The following TSEN2 variants were observed in gnomAD, a reference collection of about 807,000 sequenced individuals.
TSEN2 encodes tRNA-splicing endonuclease subunit Sen2.
In TSEN2, 54 loss-of-function variants were observed where a neutral mutation model predicts 59.2. That is an observed-to-expected ratio of 0.91 (90% confidence interval 0.73 to 1.14). The LOEUF is 1.14. TSEN2 is among the 50% of genes most tolerant of loss of function. The pLI is 0.00. For missense variants in TSEN2, 636 were observed against 576.2 expected, an observed-to-expected ratio of 1.10 and a Z score of -1.06; for synonymous variants, 195 against 198.2, an observed-to-expected ratio of 0.98 and a Z score of 0.14.
Position 12,503,461 on chromosome 3 carries a change from C to T in TSEN2, c.508C>T (p.Pro170Ser). Residue 170 changes from proline (P) to serine (S), a missense_variant, in exon 5 of 12, where the codon CCT (proline) becomes TCT (serine). By Grantham distance (74) the Pro-to-Ser change is moderately conservative (BLOSUM62 -1). Coordinates refer to ENST00000284995, the MANE Select transcript of TSEN2 (RefSeq NM_025265.4). ...NMEGTAGGER[P>S]SVVNGDSGKS... ...GGAAGGCACAGCAGGGGGAGAGAGA[C>T]CTTCTGTGGTAAACGGGGACTCTGG... 1 of 1,614,190 alleles carries T rather than the reference C, an allele frequency of 6.2e-7. No individual in the cohort carries two copies. Among genetic ancestry groups the T allele is most frequent in the Non-Finnish European group, 8.5e-7 (1 of 1,180,036 alleles).
chr3:12,508,866 C>G (rs2055117609), intron 6 of TSEN2, among the ~76,000 whole-genome samples: 1 of 152,086 alleles, frequency 6.6e-6, no homozygotes, highest in African/African-American at 2.4e-5. Context: ...ATTTTTTATT[C>G]TTATATTTTT....
chr3:12,509,015 A>C (rs1052759373), intron 6 of TSEN2, among the ~76,000 whole-genome samples: 7 of 152,178 alleles, frequency 4.6e-5, no homozygotes, highest in Admixed American at 4.6e-4. Context: ...TGCATGCTAC[A>C]CCATGTCTGG....
chr3:12,510,321 ATCAT>A (rs2055302454), intron 6 of TSEN2, among the ~76,000 whole-genome samples: 1 of 152,174 alleles, frequency 6.6e-6, no homozygotes, highest in Non-Finnish European at 1.5e-5. Flanking sequence ...CTGTGTTGAT[ATCAT>A]TCAGCTGTGG....
chr3:12,488,477 A>G (rs1355708666), intron 1 of TSEN2, among the ~76,000 whole-genome samples: 1 of 152,194 alleles, frequency 6.6e-6, no homozygotes. Flanking sequence ...TTTCCCATGT[A>G]TATGGTTACG....
At chr3:12,484,418 C>A (rs2052373225), upstream of TSEN2, 1 of 152,246 alleles carries the variant, frequency 6.6e-6, no homozygotes, top group South Asian at 2.1e-4. Context: ...TCTGCGGCTG[C>A]GCACTCGGCT....
chr3:12,496,580 T>C, intron 4 of TSEN2, 26 bp downstream of exon 4: 1 of 1,613,426 alleles, frequency 6.2e-7, no homozygotes, highest in Non-Finnish European at 8.5e-7. Flanking sequence ...CTTTGGCTTC[T>C]GTCAAAATGA....
rs1291285240 is a variant in TSEN2 at position 12,531,564 on chromosome 3, C to G, written c.1249-6C>G. On this transcript the variant is annotated splice_region_variant and splice_polypyrimidine_tract_variant and intron_variant, in intron 10 of 11. Transcript: ENST00000284995. ...GATACAGAAGTGGTTTTTCATTTCT[C>G]AATAGGAACTTATGCTGTGCTATTT... is the stretch of plus-strand genomic sequence containing the variant. 2 of 1,597,984 alleles carry G rather than the reference C, an allele frequency of 1.3e-6. No individual in the cohort carries two copies. The highest frequency in any genetic ancestry group is 4.5e-5 in the East Asian group (2 of 44,828).
chr3:12,523,376 T>C (rs771776341), intron 8 of TSEN2, among the ~76,000 whole-genome samples: 1 of 151,976 alleles, frequency 6.6e-6, no homozygotes, highest in South Asian at 2.1e-4. Context: ...AGCAGAGTTA[T>C]AGAATTTCCA....
At chr3:12,511,052 A>G (rs1168066084) in intron 6 of TSEN2, 2 of 152,164 alleles carry the variant, frequency 1.3e-5, no homozygotes, top group African/African-American at 4.8e-5. Flanking sequence ...CAGGAGAGAA[A>G]AGAACTGCAG....
chr3:12,481,175 T>C (rs369183856), upstream of TSEN2, among the ~76,000 whole-genome samples: 6 of 152,370 alleles, frequency 3.9e-5, no homozygotes, highest in East Asian at 1.2e-3. Flanking sequence ...TTGGAGGTTC[T>C]GGGCACATTT....
chr3:12,489,371 T>C (rs1365933286), intron 1 of TSEN2, among the ~76,000 whole-genome samples: 1 of 152,186 alleles, frequency 6.6e-6, no homozygotes, highest in Non-Finnish European at 1.5e-5. Context: ...CAGTTTTGTC[T>C]TTGTCTCCCC....
At chr3:12,492,083 TA>T (rs566198704) in intron 2 of TSEN2, 52 bp from the exon 3 acceptor site, 2 of 1,509,056 alleles carry the variant, frequency 1.3e-6, no homozygotes, top group South Asian at 1.1e-5. Flanking sequence ...CTACCTCAGC[TA>T]AAAAACTGGT....
At chr3:12,502,700 T>TG (rs2054412803) in intron 4 of TSEN2, among the ~76,000 whole-genome samples, 1 of 151,198 alleles carries the variant, frequency 6.6e-6, no homozygotes, top group South Asian at 2.1e-4. Flanking sequence ...TTTTTTTTTT[T>TG]TCAAATAAAG....
At chr3:12,508,916 AG>A (rs1462772957) in intron 6 of TSEN2, among the ~76,000 whole-genome samples, 2 of 152,168 alleles carry the variant, frequency 1.3e-5, no homozygotes, top group African/African-American at 4.8e-5. Context: ...GCTGGAGTGC[AG>A]TGGCACCATC....
chr3:12,515,957 A>G (rs997332812), intron 6 of TSEN2, among the ~76,000 whole-genome samples: 2 of 152,016 alleles, frequency 1.3e-5, no homozygotes, highest in Non-Finnish European at 2.9e-5. Flanking sequence ...AACAGTTTCT[A>G]TTGCTATAGC....
At chr3:12,495,126 CAAAA>C (rs1160986136) in intron 3 of TSEN2, among the ~76,000 whole-genome samples, 2 of 68,698 alleles carry the variant, frequency 2.9e-5, no homozygotes, top group Non-Finnish European at 2.6e-5. Flanking sequence ...ACTCCGTCTC[CAAAA>C]AAAAAAAAAA....
At chr3:12,528,745 A>T in intron 8 of TSEN2, 143 bp from the exon 9 acceptor site, 1 of 807,720 alleles carries the variant, frequency 1.2e-6, no homozygotes, top group Non-Finnish European at 2.0e-6. Context: ...GGCATATTGC[A>T]GATGATCTGT....
downstream of TSEN2, among the ~76,000 whole-genome samples, chr3:12,534,155 A>G (rs2057613976): frequency 6.6e-6 from 1 of 152,210 alleles, no homozygotes; most frequent in African/African-American, 2.4e-5. Flanking sequence ...CACCCACCAC[A>G]TCGGGCAGGG....
At chr3:12,534,135 C>A (rs938239532), downstream of TSEN2, among the ~76,000 whole-genome samples, 42 of 152,266 alleles carry the variant, frequency 2.8e-4, no homozygotes, top group Middle Eastern at 6.8e-3. Flanking sequence ...TGGTGGTTAA[C>A]AAGGAAGGCC....
Sources: allele counts gnomAD v4.1 joint callset (sites outside exome capture counted in the v4.1 genomes callset), GRCh38; gene constraint gnomAD v4.1.1; transcripts MANE v1.5; gene names NCBI Gene and HGNC (gene_info 2026-07-23, HGNC 2026-07-21).